Variants in RSF1 observed in about 807,000 individuals in gnomAD.
The protein encoded by RSF1 is HBV pX-associated protein 8.
RSF1 carries 13 observed loss-of-function variants against 145.2 expected under a neutral mutation model. The ratio of observed to expected loss-of-function variants is 0.09; its 90% CI spans 0.06 to 0.14. RSF1 has a LOEUF of 0.14. RSF1 is among the 10% of genes least tolerant of loss of function. RSF1 has a pLI of 1.00. For missense variants in RSF1, 1,517 were observed against 1,718.2 expected (o/e 0.88, Z 2.07); for synonymous variants, 577 against 592.6 (o/e 0.97, Z 0.38).
intron 1 of RSF1, among the ~76,000 whole-genome samples, chr11:77,808,296 C>A (rs1948697819): frequency 6.6e-6 from 1 of 151,972 alleles, no homozygotes; most frequent in Non-Finnish European, 1.5e-5. Context: ...CATGCCACTG[C>A]ACTGCAGCCT....
At chr11:77,834,853 A>C in the RSF1 span, among the ~76,000 whole-genome samples, 1 of 152,192 alleles carries the variant, frequency 6.6e-6, no homozygotes, top group Non-Finnish European at 1.5e-5. Flanking sequence ...TTTAGTTTCA[A>C]ATCTCACCTT....
chr11:77,766,133 T>C lies in RSF1; in HGVS notation c.188-1444A>G, dbSNP rs185701027. 5.0e-3 allele frequency among the ~76,000 whole-genome samples: 752 copies of C among 149,630 alleles called. 4 individuals carry two copies. The highest frequency in any genetic ancestry group is 0.01 in the Middle Eastern group (3 of 294). ...ATACTCAAATATATTGGCAAAATGCTGGATCAAAAAAAAAAAAGTTGTTTT... is the reference window on the plus strand; with the variant it reads ...ATACTCAAATATATTGGCAAAATGCCGGATCAAAAAAAAAAAAGTTGTTTT... On this transcript the variant is annotated intron_variant, in intron 1 of 15. Transcript: ENST00000308488.
At chr11:77,723,667 G>A (rs910760987) in intron 5 of RSF1, among the ~76,000 whole-genome samples, 3 of 152,116 alleles carry the variant, frequency 2.0e-5, no homozygotes, top group Admixed American at 6.5e-5. Context: ...TATACTACAC[G>A]GAAAGGCATA....
intron 1 of RSF1, among the ~76,000 whole-genome samples, chr11:77,809,200 A>G (rs1478473423): frequency 6.6e-6 from 1 of 152,236 alleles, no homozygotes; most frequent in Non-Finnish European, 1.5e-5. Context: ...AATGAAAATA[A>G]TGACACTATA....
chr11:77,855,653 C>T, the RSF1 span, among the ~76,000 whole-genome samples: 1 of 151,154 alleles, frequency 6.6e-6, no homozygotes, highest in Non-Finnish European at 1.5e-5. Flanking sequence ...TGCCACATGA[C>T]CAGGCTGCAA....
chr11:77,834,576 A>G, the RSF1 span, among the ~76,000 whole-genome samples: 1 of 150,674 alleles, frequency 6.6e-6, no homozygotes, highest in East Asian at 2.0e-4. Flanking sequence ...CACCTCGTTC[A>G]GCTAATTTTT....
At chr11:77,791,665 T>G (rs1333476144) in intron 1 of RSF1, among the ~76,000 whole-genome samples, 2 of 152,156 alleles carry the variant, frequency 1.3e-5, no homozygotes, top group East Asian at 3.8e-4. Context: ...TCTCTAAAGT[T>G]CAAAGTTCCA....
In RSF1 at chr11:77,737,426, G is replaced by A. The variant is rs144657494; in HGVS notation, c.578+3305C>T. On this transcript the variant is annotated intron_variant, in intron 4 of 15. Transcript: ENST00000308488. ...TCGCACCACTGCACTCCACACTGCA[G>A]CCTGGGCAACAAAGCGAGATCCTGT... Among the ~76,000 whole-genome samples the A allele has an allele frequency of 7.1e-4, 107 of 151,148 alleles. 1 individual carries two copies. In the Middle Eastern group the frequency reaches 0.01, roughly 15 times the overall value.
At chr11:77,724,931 C>A (rs56361413) in intron 5 of RSF1, among the ~76,000 whole-genome samples, 4,639 of 152,228 alleles carry the variant, frequency 0.03, 97 homozygotes, top group Non-Finnish European at 0.044. Flanking sequence ...GGGTTGGGGA[C>A]CCCTGTAACA....
At chr11:77,761,030 C>T (rs992820586) in intron 2 of RSF1, among the ~76,000 whole-genome samples, 4 of 152,068 alleles carry the variant, frequency 2.6e-5, no homozygotes, top group African/African-American at 7.2e-5. Flanking sequence ...CTGCAACTTC[C>T]GCCTCCCAGA....
rs1960435631 is a variant in RSF1 at position 77,701,935 on chromosome 11, T to C, written c.1294A>G (p.Thr432Ala). The C allele has an allele frequency of 6.2e-7, 1 of 1,613,502 alleles. No homozygotes were observed. The highest frequency in any genetic ancestry group is 1.7e-5 in the Admixed American group (1 of 59,900). ...TGTTTCCCTTCATGACCCAAAGCAG[T>C]GATTGTAGAGATCCTTTTACAAGTC... ...EETCKRISTI[T>A]ALGHEGKQLV... The change falls in exon 6 of 16, where the codon ACT becomes GCT. Residue 432 changes from threonine (T) to alanine (A), a missense_variant. By Grantham distance (58) the Thr-to-Ala change is moderately conservative (BLOSUM62 0). Around this residue, in one of 12 missense-constraint regions of RSF1, gnomAD observed 579 missense variants for 553.5 expected, o/e 1.05. Coordinates refer to ENST00000308488, the MANE Select transcript of RSF1 (RefSeq NM_016578.4).
chr11:77,660,061 C>T lies in RSF1; in HGVS notation c.*6856G>A, dbSNP rs1959217878. The T allele has an allele frequency of 6.6e-6, 1 of 151,998 alleles. No homozygotes were observed. The highest frequency in any genetic ancestry group is 2.4e-5 in the African/African-American group (1 of 41,382). 9.4% of individuals were successfully genotyped at this position (151,998 alleles called of 1,614,324 possible). A position where few individuals can be genotyped will look rare whatever the true frequency, so the allele number is the denominator to read the frequency against. On this transcript the variant is annotated 3_prime_UTR_variant, in exon 16 of 16. Transcript: ENST00000308488. ...TTGACATATTAAGTGAAAGAAATGA[C>T]AGAAGTATTATAATAAAACATTTTG...
At chr11:77,818,336 A>G (rs1454240444) in intron 1 of RSF1, among the ~76,000 whole-genome samples, 1 of 152,228 alleles carries the variant, frequency 6.6e-6, no homozygotes, top group Admixed American at 6.5e-5. Flanking sequence ...ATGCATTTCA[A>G]CTTGGTCCAA....
intron 1 of RSF1, among the ~76,000 whole-genome samples, chr11:77,798,413 C>T (rs1255093239): frequency 6.6e-6 from 1 of 151,076 alleles, no homozygotes; most frequent in African/African-American, 2.4e-5. Flanking sequence ...GGTGAAACCC[C>T]GTCTCTACTA....
At chr11:77,860,444 C>T in the RSF1 span, among the ~76,000 whole-genome samples, 1 of 152,188 alleles carries the variant, frequency 6.6e-6, no homozygotes, top group African/African-American at 2.4e-5. Context: ...AATTTTAGCC[C>T]TAAGTATTTA....
At chr11:77,764,970 T>C (rs888611890) in intron 1 of RSF1, among the ~76,000 whole-genome samples, 11 of 152,154 alleles carry the variant, frequency 7.2e-5, no homozygotes, top group Non-Finnish European at 1.0e-4. Context: ...TTGGTGATAA[T>C]TATATGTCAA....
At position 77,664,256 on chromosome 11, in the gene RSF1, G is replaced by A. The variant is rs957615025; in HGVS notation, c.*2661C>T. ...TCTGCCTAATAATGTTTTATCAACC[G>A]CTTGGATTACATTCTTGGTAGATGA... On this transcript the variant is annotated 3_prime_UTR_variant, in exon 16 of 16. Coordinates refer to ENST00000308488, the MANE Select transcript of RSF1 (RefSeq NM_016578.4). The A allele has an allele frequency of 2.0e-5, 3 of 152,054 alleles. No individual in the cohort carries two copies. Among genetic ancestry groups the A allele is most frequent in the Admixed American group, 6.6e-5 (1 of 15,246 alleles). The allele number at this position is 152,054 out of a possible 1,614,324, so 9.4% of individuals were successfully genotyped here.
At chr11:77,872,203 A>G in the RSF1 span, 10 of 1,613,702 alleles carry the variant, frequency 6.2e-6, no homozygotes, top group South Asian at 1.1e-4. Flanking sequence ...GAGTACCTCA[A>G]GAAACATGGC....
At chr11:77,843,306 A>G in the RSF1 span, among the ~76,000 whole-genome samples, 2 of 152,148 alleles carry the variant, frequency 1.3e-5, no homozygotes, top group Non-Finnish European at 1.5e-5. Flanking sequence ...TTCCCAAGGT[A>G]GAGCCTCCTT....
Sources: gnomAD v4.1 joint callset for allele counts (sites outside exome capture counted in the v4.1 genomes callset) on GRCh38, gnomAD v4.1.1 for gene constraint, gnomAD v4.1.1 regional missense constraint, MANE v1.5 for transcripts, NCBI Gene and HGNC (gene_info 2026-07-23, HGNC 2026-07-21) for gene names.